The following BMX variants were observed in gnomAD, a reference collection of about 807,000 sequenced individuals.
The protein encoded by BMX is cytoplasmic tyrosine-protein kinase BMX.
In BMX, 31 loss-of-function variants were observed where a neutral mutation model predicts 59.2. The observed-to-expected ratio is 0.52, with a 90% CI of 0.39 to 0.71. The LOEUF (loss-of-function observed/expected upper bound fraction) is 0.71, where lower values mean the gene tolerates loss of function less well. BMX is among the 30% of genes least tolerant of loss of function. BMX has a pLI of 0.00. For missense variants in BMX, 474 were observed against 491.7 expected (o/e 0.96, Z 0.34); for synonymous variants, 185 against 181.0 (o/e 1.02, Z -0.18).
Position 15,537,323 on chromosome X carries a change from A to G in BMX, c.1394+18A>G. ...ACTATGATGTAAGTTTTTCCCAAGGAATGGCTGTTTAGCCCTCATCATGGG... is the reference window on the plus strand; with the variant it reads ...ACTATGATGTAAGTTTTTCCCAAGGGATGGCTGTTTAGCCCTCATCATGGG... On this transcript the variant is annotated intron_variant, in intron 14 of 18. Coordinates refer to ENST00000348343, the MANE Select transcript of BMX (RefSeq NM_203281.3). 5 of 1,209,545 alleles carry G rather than the reference A, an allele frequency of 4.1e-6. No individual in the cohort carries two copies. Among genetic ancestry groups the G allele is most frequent in the Non-Finnish European group, 5.6e-6 (5 of 894,331 alleles).
In BMX at chrX:15,546,418, G is replaced by C. The variant is rs565264236; in HGVS notation, c.1677-385G>C. On this transcript the variant is annotated intron_variant, in intron 16 of 18. Coordinates refer to ENST00000348343, the MANE Select transcript of BMX (RefSeq NM_203281.3). ...ATATACCATTAAAGGAAAAATAAAA[G>C]CAAATCTCAATATAACAGAAACCCT... Among the ~76,000 whole-genome samples, 19 of 111,711 alleles carry C rather than the reference G, an allele frequency of 1.7e-4. No individual in the cohort carries two copies. In the South Asian group the frequency reaches 7.0e-3, roughly 41 times the overall value.
Position 15,526,031 on chromosome X carries a change from C to T in BMX, c.831-11C>T. On this transcript the variant is annotated splice_polypyrimidine_tract_variant and intron_variant, in intron 8 of 18. Coordinates refer to ENST00000348343, the MANE Select transcript of BMX (RefSeq NM_203281.3). ...TTTTCTGCACTCACGTTTTTCTCAA[C>T]TCTTCTTAAGGGAATTCCCTGAGTC... is the stretch of plus-strand genomic sequence containing the variant. 8.3e-7 allele frequency: 1 copy of T among 1,202,497 alleles called. No homozygotes were observed. The highest frequency in any genetic ancestry group is 1.1e-6 in the Non-Finnish European group (1 of 890,237).
chrX:15,534,228 G>T lies in BMX; in HGVS notation c.1036G>T (p.Val346Phe). Reference protein sequence around the residue: ...SKAVNDKKGTVKHYHVHTNAE... With the variant: ...SKAVNDKKGTFKHYHVHTNAE... The stretch of plus-strand genomic sequence containing the variant: ...TGTTACTAGTGATAAAAAAGGAACT[G>T]TCAAACATTACCACGTGCATACAAA... Residue 346 changes from valine (V) to phenylalanine (F), a missense_variant, in exon 12 of 19, where the codon GTC (valine) becomes TTC (phenylalanine). Physicochemically the swap from Val to Phe is conservative, Grantham distance 50. Coordinates refer to ENST00000348343, the MANE Select transcript of BMX (RefSeq NM_203281.3). The T allele has an allele frequency of 8.6e-7, 1 of 1,167,669 alleles. No individual in the cohort carries two copies. The highest frequency in any genetic ancestry group is 1.1e-6 in the Non-Finnish European group (1 of 872,194).
intron 6 of BMX, 92 bp downstream of exon 6, chrX:15,518,085 A>G: frequency 2.7e-6 from 2 of 738,262 alleles, no homozygotes; most frequent in South Asian, 5.4e-5. Context: ...TGTGGAATTC[A>G]TTTAGACTTC....
intron 15 of BMX, 24 bp downstream of exon 15, chrX:15,542,222 A>G: frequency 8.4e-7 from 1 of 1,194,868 alleles, no homozygotes; most frequent in Admixed American, 2.2e-5. Context: ...TTGGAATTTC[A>G]AAGAAAAGAA....
In BMX at chrX:15,526,954, C is replaced by A. The variant is rs188037499; in HGVS notation, c.884+859C>A. On this transcript the variant is annotated intron_variant, in intron 9 of 18. Transcript: ENST00000348343. ...AAAAAGTGCACTATTAAAAATTATA[C>A]CCGTTAATAATAACTTAATTATACA... Among the ~76,000 whole-genome samples the A allele has an allele frequency of 4.2e-3, 455 of 109,198 alleles. 3 individuals are homozygous for A. Among genetic ancestry groups the A allele is most frequent in the African/African-American group, 0.014 (424 of 29,965 alleles). The allele number at this position is 109,198 out of a possible 115,157, so 94.8% of individuals were successfully genotyped here.
intron 10 of BMX, 73 bp from the exon 11 acceptor site, chrX:15,531,255 C>G (rs1335679418): frequency 2.2e-6 from 2 of 897,311 alleles, no homozygotes; most frequent in Admixed American, 2.4e-5. Context: ...TTTCCAACTA[C>G]CTACCATGCA....
intron 11 of BMX, among the ~76,000 whole-genome samples, chrX:15,532,693 C>T (rs973261659): frequency 8.9e-6 from 1 of 112,341 alleles, no homozygotes; most frequent in African/African-American, 3.2e-5. Context: ...GTAATAAAAA[C>T]GTTATTTTAT....
chrX:15,531,655 A>G (rs1303065885), intron 11 of BMX, among the ~76,000 whole-genome samples: 1 of 111,598 alleles, frequency 9.0e-6, no homozygotes, highest in Non-Finnish European at 1.9e-5. Flanking sequence ...CCAGGCAGTA[A>G]CAGAGTGCCC....
chrX:15,549,721 C>T, intron 17 of BMX, 119 bp from the exon 18 acceptor site: 1 of 812,993 alleles, frequency 1.2e-6, no homozygotes, highest in Non-Finnish European at 1.7e-6. Context: ...TCCCAGGGAT[C>T]CCTCACTCTG....
At position 15,537,118 on chromosome X, in the gene BMX, C is replaced by T. The variant is rs781198197; in HGVS notation, c.1223-16C>T. Reference sequence around the variant, plus strand: ...TTCTATGCTCGTCCTAAAGAATGTCCGTCTTGCCTTGTTAGGAATCTGGGA... The same window carrying T: ...TTCTATGCTCGTCCTAAAGAATGTCTGTCTTGCCTTGTTAGGAATCTGGGA... On this transcript the variant is annotated splice_polypyrimidine_tract_variant and intron_variant, in intron 13 of 18. Coordinates refer to ENST00000348343, the MANE Select transcript of BMX (RefSeq NM_203281.3). The T allele has an allele frequency of 1.8e-5, 22 of 1,207,358 alleles. No individual in the cohort carries two copies. Among genetic ancestry groups the T allele is most frequent in the Non-Finnish European group, 2.1e-5 (19 of 893,749 alleles).
intron 6 of BMX, among the ~76,000 whole-genome samples, 194 bp downstream of exon 6, chrX:15,518,187 T>TA (rs1924254051): frequency 9.1e-6 from 1 of 110,088 alleles, no homozygotes; most frequent in Admixed American, 9.7e-5. Context: ...TAATATCTCA[T>TA]ATTTTTGCAT....
chrX:15,545,159 A>G (rs1925887899), intron 16 of BMX, among the ~76,000 whole-genome samples: 1 of 112,429 alleles, frequency 8.9e-6, no homozygotes, highest in East Asian at 2.8e-4. Context: ...AAAGGTCTGC[A>G]GCAACTCAAT....
intron 5 of BMX, among the ~76,000 whole-genome samples, chrX:15,516,939 C>T (rs772092359): frequency 9.0e-6 from 1 of 111,348 alleles, no homozygotes; most frequent in African/African-American, 3.3e-5. Flanking sequence ...AATAGGATAA[C>T]TTATTTTGGT....
intron 10 of BMX, among the ~76,000 whole-genome samples, chrX:15,530,874 T>C (rs1298497491): frequency 2.7e-5 from 3 of 112,099 alleles, no homozygotes; most frequent in East Asian, 2.8e-4. Context: ...ATGACTTCAT[T>C]TGGCGTTTTG....
chrX:15,508,457 A>C lies in BMX; in HGVS notation c.104A>C (p.Lys35Thr). ...NYKERLFVLTKTNLSYYEYDK... is the reference protein window; with the variant it reads ...NYKERLFVLTTTNLSYYEYDK... Reference sequence around the variant, plus strand: ...AAAGAACGGCTTTTTGTTTTGACCAAAACAAACCTTTCCTACTATGAATAT... The same window carrying C: ...AAAGAACGGCTTTTTGTTTTGACCACAACAAACCTTTCCTACTATGAATAT... The change falls in exon 2 of 19, where the codon AAA becomes ACA. Residue 35 changes from lysine (K) to threonine (T), a missense_variant. Transcript: ENST00000348343. 1 of 1,189,680 alleles carries C rather than the reference A, an allele frequency of 8.4e-7. No individual in the cohort carries two copies.
chrX:15,534,656 T>C (rs1023052247), intron 12 of BMX, among the ~76,000 whole-genome samples: 17 of 111,479 alleles, frequency 1.5e-4, no homozygotes, highest in African/African-American at 5.5e-4. Context: ...TATAGAAATA[T>C]ATACATATCG....
At position 15,556,179 on chromosome X, in the gene BMX, T is replaced by C; in HGVS notation, c.*32T>C. ...AATTAGGAGTGCTGATAAGAATGAA[T>C]ATAGATGCTGGCCAGCATTTTCATT... On this transcript the variant is annotated 3_prime_UTR_variant, in exon 19 of 19. Transcript: ENST00000348343. The C allele has an allele frequency of 8.8e-7, 1 of 1,136,133 alleles. No homozygotes were observed. Among genetic ancestry groups the C allele is most frequent in the Non-Finnish European group, 1.2e-6 (1 of 844,613 alleles). 93.6% of individuals were successfully genotyped at this position (1,136,133 alleles called of 1,213,427 possible).
chrX:15,537,104 TC>T, intron 13 of BMX, 29 bp from the exon 14 acceptor site: 2 of 1,206,725 alleles, frequency 1.7e-6, no homozygotes, highest in Middle Eastern at 4.8e-4. Context: ...TCTATGCTCG[TC>T]CTAAAGAATG....
Sources: allele counts gnomAD v4.1 joint callset (sites outside exome capture counted in the v4.1 genomes callset), GRCh38; gene constraint gnomAD v4.1.1; transcripts MANE v1.5; gene names NCBI Gene and HGNC (gene_info 2026-07-23, HGNC 2026-07-21).